SMARCC1: variants seen among roughly 807,000 people sequenced by gnomAD.
SMARCC1 encodes SWI/SNF complex subunit SMARCC1.
In SMARCC1, 43 loss-of-function variants were observed where a neutral mutation model predicts 147.4. The observed-to-expected ratio is 0.29, with a 90% confidence interval of 0.23 to 0.38. The LOEUF (loss-of-function observed/expected upper bound fraction) is 0.38. Among genes scored for constraint, SMARCC1 ranks in the 10% least tolerant of loss-of-function variants. The pLI is 1.00. For synonymous variants in SMARCC1, 495 were observed against 484.4 expected (o/e 1.02, Z -0.29); for missense variants, 1,119 against 1,381.1 (o/e 0.81, Z 3.01).
chr3:47,737,915 G>A (rs1032563866), intron 4 of SMARCC1, 114 bp downstream of exon 4: 10 of 532,750 alleles, frequency 1.9e-5, no homozygotes, highest in African/African-American at 4.1e-5. Flanking sequence ...GCCTTGCCTC[G>A]GCCTCCCAAA....
At chr3:47,671,551 T>C (rs1322867039) in intron 18 of SMARCC1, among the ~76,000 whole-genome samples, 1 of 152,178 alleles carries the variant, frequency 6.6e-6, no homozygotes, top group Admixed American at 6.5e-5. Flanking sequence ...AAAATCACCT[T>C]TTCCATGTGA....
chr3:47,650,553 T>C (rs1028464842), intron 21 of SMARCC1, among the ~76,000 whole-genome samples: 4 of 151,662 alleles, frequency 2.6e-5, no homozygotes, highest in Non-Finnish European at 5.9e-5. Flanking sequence ...CAGTGGCTCA[T>C]GACTGTAATC....
chr3:47,766,655 G>A (rs2034844523), intron 2 of SMARCC1, among the ~76,000 whole-genome samples: 1 of 152,116 alleles, frequency 6.6e-6, no homozygotes, highest in South Asian at 2.1e-4. Flanking sequence ...AGCCTTGGAG[G>A]GCTTGTGGGA....
rs966233486 is a variant in SMARCC1, at chr3:47,676,942, G to A, written c.1572-160C>T. Among the ~76,000 whole-genome samples, 8 of 152,176 alleles carry A rather than the reference G, an allele frequency of 5.3e-5. No individual in the cohort carries two copies. In the East Asian group the frequency reaches 5.8e-4, roughly 11 times the overall value. On this transcript the variant is annotated intron_variant, in intron 16 of 27. Coordinates refer to ENST00000254480, the MANE Select transcript of SMARCC1 (RefSeq NM_003074.4). ...TACTTGACAGATTTTGTTATGTGAC[G>A]AACAATTTCTACAAGCCACAAGTAA...
At chr3:47,723,560 C>A (rs2034262393) in intron 6 of SMARCC1, among the ~76,000 whole-genome samples, 1 of 151,802 alleles carries the variant, frequency 6.6e-6, no homozygotes, top group East Asian at 1.9e-4. Flanking sequence ...ACACCTGTAA[C>A]CCCAGCACTT....
At chr3:47,640,447 T>TC (rs1411358666) in intron 21 of SMARCC1, among the ~76,000 whole-genome samples, 3 of 152,026 alleles carry the variant, frequency 2.0e-5, no homozygotes, top group Non-Finnish European at 4.4e-5. Flanking sequence ...GAAGTGATAA[T>TC]ATATTCTGAA....
chr3:47,729,223 G>A (rs1035314109), intron 5 of SMARCC1, 129 bp from the exon 6 acceptor site: 2 of 604,068 alleles, frequency 3.3e-6, no homozygotes, highest in Admixed American at 3.2e-5. Context: ...AAAAAGACTT[G>A]CTTCTTTTTA....
chr3:47,663,123 AAGGG>A (rs1245695093), intron 19 of SMARCC1, among the ~76,000 whole-genome samples: 9 of 105,448 alleles, frequency 8.5e-5, no homozygotes, highest in African/African-American at 1.4e-4. Context: ...GGAGGGAAGG[AAGGG>A]AGGGAGGGAG....
intron 14 of SMARCC1, among the ~76,000 whole-genome samples, chr3:47,685,154 G>A (rs1489352284): frequency 6.6e-6 from 1 of 152,054 alleles, no homozygotes; most frequent in Non-Finnish European, 1.5e-5. Context: ...GGGGTTCCTT[G>A]AACAGAAGCA....
intron 21 of SMARCC1, among the ~76,000 whole-genome samples, chr3:47,651,333 T>G (rs1299905119): frequency 6.6e-6 from 1 of 152,158 alleles, no homozygotes; most frequent in African/African-American, 2.4e-5. Flanking sequence ...TGACACTCTT[T>G]TGGTCAAACT....
intron 5 of SMARCC1, among the ~76,000 whole-genome samples, chr3:47,731,902 T>C (rs76414116): frequency 2.0e-5 from 3 of 152,216 alleles, no homozygotes; most frequent in African/African-American, 4.8e-5. Context: ...CAAACGACCA[T>C]TGGCTTCAAC....
intron 2 of SMARCC1, among the ~76,000 whole-genome samples, chr3:47,747,480 T>TATAAATATAAATATAAAA (rs1553689888): frequency 2.4e-4 from 36 of 147,548 alleles, no homozygotes; most frequent in African/African-American, 7.9e-4. Flanking sequence ...TAAATATAAA[T>TATAAATATAAATATAAAA]ATAAAAATTA....
At chr3:47,609,625 T>C (rs76858442) in intron 26 of SMARCC1, among the ~76,000 whole-genome samples, 333 of 152,228 alleles carry the variant, frequency 2.2e-3, no homozygotes, top group African/African-American at 7.8e-3. Context: ...AATAGGTACA[T>C]GGGGGATTAT....
chr3:47,643,771 C>G (rs569623237), intron 21 of SMARCC1, among the ~76,000 whole-genome samples: 22 of 152,244 alleles, frequency 1.4e-4, no homozygotes, highest in Non-Finnish European at 4.4e-5. Flanking sequence ...CAGAATGATT[C>G]AAATTATTGG....
rs1205414894 is a variant in SMARCC1, at chr3:47,781,766, C to T, written c.32G>A (p.Gly11Glu). 3 of 1,478,698 alleles carry T rather than the reference C, an allele frequency of 2.0e-6. No homozygotes were observed. The highest frequency in any genetic ancestry group is 1.5e-5 in the African/African-American group (1 of 67,934). The allele number at this position is 1,478,698 out of a possible 1,614,324, so 91.6% of individuals were successfully genotyped here. A position where few individuals can be genotyped will look rare whatever the true frequency, so the allele number is the denominator to read the frequency against. Residue 11 changes from glycine (G) to glutamate (E), a missense_variant, in exon 1 of 28, where the codon GGG (glycine) becomes GAG (glutamate). Transcript: ENST00000254480. Reference protein sequence around the residue: MAAAAGGGGPGTAVGATGSGI... With the variant: MAAAAGGGGPETAVGATGSGI... The stretch of plus-strand genomic sequence containing the variant: ...CGAGCCCGTGGCGCCTACCGCTGTC[C>T]CCGGCCCGCCGCCGCCCGCCGCTGC...
chr3:47,779,324 G>A (rs1041130827), intron 1 of SMARCC1, among the ~76,000 whole-genome samples: 2 of 152,202 alleles, frequency 1.3e-5, no homozygotes, highest in Admixed American at 1.3e-4. Context: ...TGAAAATGCA[G>A]TATTAAATGC....
At chr3:47,738,655 G>A (rs1028804712) in intron 3 of SMARCC1, among the ~76,000 whole-genome samples, 2 of 151,696 alleles carry the variant, frequency 1.3e-5, no homozygotes, top group Non-Finnish European at 2.9e-5. Flanking sequence ...CTGCACTCTA[G>A]CCTGGTGACA....
intron 27 of SMARCC1, among the ~76,000 whole-genome samples, chr3:47,590,172 C>T (rs1559620155): frequency 1.3e-5 from 2 of 152,206 alleles, no homozygotes; most frequent in South Asian, 4.1e-4. Flanking sequence ...CTCAACACAG[C>T]CCCTGAATAC....
intron 21 of SMARCC1, among the ~76,000 whole-genome samples, chr3:47,656,734 T>C (rs993806543): frequency 6.6e-6 from 1 of 151,930 alleles, no homozygotes; most frequent in Non-Finnish European, 1.5e-5. Flanking sequence ...GGAAATATGG[T>C]GAAACCCCGT....
Sources: allele counts gnomAD v4.1 joint callset (sites outside exome capture counted in the v4.1 genomes callset), GRCh38; gene constraint gnomAD v4.1.1; transcripts MANE v1.5; gene names NCBI Gene and HGNC (gene_info 2026-07-23, HGNC 2026-07-21).